The following LRRC3B variants were observed in gnomAD, a reference collection of about 807,000 sequenced individuals.
LRRC3B encodes the protein leucine-rich repeat-containing protein 3B.
A neutral mutation model predicts 12.8 loss-of-function variants in LRRC3B; 2 were observed. The ratio of observed to expected loss-of-function variants is 0.16; its 90% confidence interval spans 0.06 to 0.49. LRRC3B has a LOEUF of 0.49. LRRC3B is among the 20% of genes least tolerant of loss of function. The pLI is 0.96. For synonymous variants in LRRC3B, 132 were observed against 122.0 expected (o/e 1.08, Z -0.54); for missense variants, 189 against 319.4 (o/e 0.59, Z 3.11).
chr3:26,684,400 C>A (rs1209271027), intron 1 of LRRC3B, among the ~76,000 whole-genome samples: 1 of 152,234 alleles, frequency 6.6e-6, no homozygotes, highest in Non-Finnish European at 1.5e-5. Context: ...TCTGTGCTTA[C>A]TCTTTTCTAT....
At chr3:26,627,507 A>G (rs991916358) in intron 1 of LRRC3B, among the ~76,000 whole-genome samples, 8 of 152,082 alleles carry the variant, frequency 5.3e-5, no homozygotes, top group Non-Finnish European at 8.8e-5. Flanking sequence ...TGAGGCAACA[A>G]TATTGTCAGA....
chr3:26,676,344 T>C (rs1287947159), intron 1 of LRRC3B, among the ~76,000 whole-genome samples: 1 of 151,692 alleles, frequency 6.6e-6, no homozygotes, highest in Non-Finnish European at 1.5e-5. Flanking sequence ...TTTGGTTTTT[T>C]TGTCCTTGCG....
At chr3:26,705,998 CT>C (rs1325181913) in intron 1 of LRRC3B, among the ~76,000 whole-genome samples, 2 of 152,156 alleles carry the variant, frequency 1.3e-5, no homozygotes. Flanking sequence ...TCTTTTTGCA[CT>C]GCTAAAGCAA....
At chr3:26,703,163 T>C (rs374448195) in intron 1 of LRRC3B, among the ~76,000 whole-genome samples, 4 of 152,254 alleles carry the variant, frequency 2.6e-5, no homozygotes, top group East Asian at 1.9e-4. Context: ...TAGTCACAAA[T>C]ACACAGGAAT....
At position 26,706,123 on chromosome 3, in the gene LRRC3B, T is replaced by C. The variant is rs116755452; in HGVS notation, c.-160-3390T>C. ...GGCTTATTGATGGCTCTCTTCTCTC[T>C]GTTTCTTCACATGGCAGAAGGGATG... is the stretch of plus-strand genomic sequence containing the variant. On this transcript the variant is annotated intron_variant, in intron 1 of 1. Transcript: ENST00000396641. Among the ~76,000 whole-genome samples, 651 of 152,304 alleles carry C rather than the reference T, an allele frequency of 4.3e-3. 5 individuals carry two copies. Among genetic ancestry groups the C allele is most frequent in the African/African-American group, 0.015 (623 of 41,566 alleles).
intron 1 of LRRC3B, among the ~76,000 whole-genome samples, chr3:26,646,021 A>C (rs953236090): frequency 2.6e-5 from 4 of 152,150 alleles, no homozygotes; most frequent in African/African-American, 9.7e-5. Context: ...AATGTGGCCA[A>C]CCCAAGGGTG....
chr3:26,691,236 G>C (rs923987746), intron 1 of LRRC3B, among the ~76,000 whole-genome samples: 1 of 151,010 alleles, frequency 6.6e-6, no homozygotes, highest in Non-Finnish European at 1.5e-5. Context: ...ATGCTTAAGA[G>C]AATGAAGAAT....
chr3:26,629,116 A>T (rs1043730456), intron 1 of LRRC3B, among the ~76,000 whole-genome samples: 1 of 152,208 alleles, frequency 6.6e-6, no homozygotes, highest in Admixed American at 6.5e-5. Context: ...GTAATATTTG[A>T]CAAAGTGGTA....
chr3:26,643,177 T>G (rs1388933122), intron 1 of LRRC3B, among the ~76,000 whole-genome samples: 2 of 152,024 alleles, frequency 1.3e-5, no homozygotes, highest in Non-Finnish European at 2.9e-5. Flanking sequence ...GCTGGACACA[T>G]TCATGGTTGT....
At chr3:26,683,999 G>T (rs1320334967) in intron 1 of LRRC3B, among the ~76,000 whole-genome samples, 1 of 152,132 alleles carries the variant, frequency 6.6e-6, no homozygotes, top group Admixed American at 6.5e-5. Context: ...TATTTTCTCA[G>T]GGTCCTTCTG....
At chr3:26,637,090 G>C (rs762139430) in intron 1 of LRRC3B, among the ~76,000 whole-genome samples, 48 of 150,596 alleles carry the variant, frequency 3.2e-4, no homozygotes, top group Non-Finnish European at 5.6e-4. Context: ...TCCGCCTCTC[G>C]AGTTCAAGCA....
chr3:26,706,418 A>G (rs539655819), intron 1 of LRRC3B, among the ~76,000 whole-genome samples: 2 of 152,308 alleles, frequency 1.3e-5, no homozygotes, highest in Non-Finnish European at 2.9e-5. Flanking sequence ...TAGCTCAGCA[A>G]TATAGCCAAA....
chr3:26,652,696 A>C (rs926981360), intron 1 of LRRC3B, among the ~76,000 whole-genome samples: 9 of 151,362 alleles, frequency 5.9e-5, no homozygotes, highest in African/African-American at 1.7e-4. Context: ...AAACCCCTTT[A>C]TTTTTCTTTT....
At chr3:26,687,715 G>A (rs760477779) in intron 1 of LRRC3B, among the ~76,000 whole-genome samples, 4 of 152,192 alleles carry the variant, frequency 2.6e-5, no homozygotes, top group Non-Finnish European at 5.9e-5. Flanking sequence ...ACAAGTGGTA[G>A]AATCGATTCA....
intron 1 of LRRC3B, among the ~76,000 whole-genome samples, chr3:26,654,953 G>T (rs961221238): frequency 5.3e-5 from 8 of 151,974 alleles, no homozygotes; most frequent in South Asian, 4.2e-4. Flanking sequence ...CATAATTTTT[G>T]AATATAATTG....
chr3:26,671,311 G>A (rs1163931932), intron 1 of LRRC3B, among the ~76,000 whole-genome samples: 8 of 139,802 alleles, frequency 5.7e-5, no homozygotes, highest in Non-Finnish European at 1.1e-4. Context: ...CACCGCGCCC[G>A]GCCTCATGTA....
At chr3:26,660,736 A>G (rs1296166922) in intron 1 of LRRC3B, among the ~76,000 whole-genome samples, 2 of 152,204 alleles carry the variant, frequency 1.3e-5, no homozygotes, top group African/African-American at 2.4e-5. Flanking sequence ...TCAAGACACT[A>G]TAGAATAATG....
In LRRC3B at chr3:26,709,801, TG is replaced by T. The variant is rs1229812606; in HGVS notation, c.134del (p.Gly45ValfsTer2). 1 of 1,614,040 alleles carries T rather than the reference TG, an allele frequency of 6.2e-7. No individual in the cohort carries two copies. The highest frequency in any genetic ancestry group is 1.3e-5 in the African/African-American group (1 of 74,928). On this transcript the variant is annotated frameshift_variant, in exon 2 of 2. Coordinates refer to ENST00000396641, the Ensembl canonical transcript of LRRC3B. LOFTEE classifies it high-confidence loss of function. The stretch of plus-strand genomic sequence containing the variant: ...CCAAGGGCTGTCTTTGTTCTTCCTC[TG>T]GGGGTTTAAATGTCACCTGTAGCAA...
At chr3:26,623,865 G>A (rs1575104567) in intron 1 of LRRC3B, 1 of 152,486 alleles carries the variant, frequency 6.6e-6, no homozygotes, top group African/African-American at 2.4e-5. Flanking sequence ...GCAGATATGG[G>A]TGGGTGAAGT....
Sources: gnomAD v4.1 joint callset for allele counts (sites outside exome capture counted in the v4.1 genomes callset) on GRCh38, gnomAD v4.1.1 for gene constraint, MANE v1.5 for transcripts, NCBI Gene and HGNC (gene_info 2026-07-23, HGNC 2026-07-21) for gene names.